NTM: variants seen among roughly 807,000 people sequenced by gnomAD.
The protein encoded by NTM is IgLON family member 2.
In NTM, 13 loss-of-function variants were observed where a neutral mutation model predicts 42.1. That is an observed-to-expected ratio of 0.31 (90% CI 0.20 to 0.49). NTM has a LOEUF of 0.49. NTM is among the 20% of genes least tolerant of loss of function. The probability of loss-of-function intolerance (pLI) is 0.99; values close to 1 mark genes in which losing one functional copy is unlikely to be tolerated. For missense variants in NTM, 373 were observed against 452.8 expected, an observed-to-expected ratio of 0.82 and a Z score of 1.60; for synonymous variants, 187 against 179.2, an observed-to-expected ratio of 1.04 and a Z score of -0.35.
chr11:131,850,786 T>C (rs569929955), intron 1 of NTM, among the ~76,000 whole-genome samples: 57 of 152,306 alleles, frequency 3.7e-4, no homozygotes, highest in Non-Finnish European at 7.2e-4. Flanking sequence ...GAAATTACTA[T>C]AAACAAACTG....
At chr11:132,089,837 A>G (rs894300126) in intron 2 of NTM, among the ~76,000 whole-genome samples, 27 of 152,178 alleles carry the variant, frequency 1.8e-4, no homozygotes, top group Non-Finnish European at 3.1e-4. Context: ...TATTGTTCTT[A>G]GTGCCTCAAA....
At chr11:131,872,711 T>C (rs2047910996) in intron 1 of NTM, among the ~76,000 whole-genome samples, 1 of 152,226 alleles carries the variant, frequency 6.6e-6, no homozygotes, top group Non-Finnish European at 1.5e-5. Context: ...TATCATTTGA[T>C]AGTGGCTAGA....
At chr11:131,428,880 C>CAAAAAAAAAAAAAAAAAAAA (rs35312475) in intron 1 of NTM, among the ~76,000 whole-genome samples, 2 of 84,010 alleles carry the variant, frequency 2.4e-5, no homozygotes, top group Non-Finnish European at 4.5e-5. Context: ...ACTAAAAATA[C>CAAAAAAAAAAAAAAAAAAAA]AAAAAAAAAA....
intron 7 of NTM, 24 bp downstream of exon 7, chr11:132,314,727 CAAG>C (rs1565458538): frequency 1.9e-6 from 3 of 1,598,622 alleles, no homozygotes; most frequent in Non-Finnish European, 1.7e-6. Context: ...CTGAGCTGGG[CAAG>C]AAGAGGGGAG....
intron 1 of NTM, among the ~76,000 whole-genome samples, chr11:131,462,104 G>A (rs1048681008): frequency 6.6e-6 from 1 of 152,206 alleles, no homozygotes; most frequent in South Asian, 2.1e-4. Flanking sequence ...AAAGAAGAAA[G>A]AGTTGCTGAT....
intron 4 of NTM, among the ~76,000 whole-genome samples, chr11:132,269,582 A>G (rs2093379965): frequency 6.6e-6 from 1 of 152,224 alleles, no homozygotes; most frequent in South Asian, 2.1e-4. Context: ...TTTACAGGCC[A>G]GGATTTATAT....
chr11:131,507,375 G>A lies in NTM; in HGVS notation c.82+136487G>A, dbSNP rs370951820. 1.0e-3 allele frequency among the ~76,000 whole-genome samples: 155 copies of A among 150,696 alleles called. 1 individual carries two copies. The highest frequency in any genetic ancestry group is 0.01 in the Middle Eastern group (3 of 292). On this transcript the variant is annotated intron_variant, in intron 1 of 8. Transcript: ENST00000683400. ...AAAGATCAGATAGTTGTAGATATGC[G>A]GCGTTATTTCTGAGGGCTCTGTTCT...
At chr11:131,499,870 G>A (rs547044730) in intron 1 of NTM, among the ~76,000 whole-genome samples, 2 of 152,284 alleles carry the variant, frequency 1.3e-5, no homozygotes, top group African/African-American at 2.4e-5. Flanking sequence ...GTATCTACAC[G>A]TCTATTATTT....
intron 1 of NTM, among the ~76,000 whole-genome samples, chr11:131,650,509 C>T (rs1467659959): frequency 6.6e-6 from 1 of 152,140 alleles, no homozygotes; most frequent in Non-Finnish European, 1.5e-5. Flanking sequence ...TCCCTGGTTT[C>T]TCAGTAAAGA....
chr11:132,328,814 C>G (rs1039345246), intron 7 of NTM, among the ~76,000 whole-genome samples: 1 of 152,090 alleles, frequency 6.6e-6, no homozygotes, highest in East Asian at 1.9e-4. Context: ...AATAGCCCCT[C>G]CCCCTCCTTA....
chr11:131,989,101 T>C lies in NTM; in HGVS notation c.167+77453T>C, dbSNP rs182568943. Among the ~76,000 whole-genome samples the C allele has an allele frequency of 2.6e-4, 40 of 152,320 alleles. No homozygotes were observed. In the East Asian group the frequency reaches 5.2e-3, roughly 20 times the overall value. On this transcript the variant is annotated intron_variant, in intron 2 of 8. Coordinates refer to ENST00000683400, the MANE Select transcript of NTM (RefSeq NM_001352005.2). ...TTGGTACTATGTTTGATCACTGAGA[T>C]ACATCGTTAAATATGCTACTGCTGA... is the stretch of plus-strand genomic sequence containing the variant.
At chr11:131,521,383 CTTTTTTTTTTTTTTTTTTTTTTTTT>C (rs773233050) in intron 1 of NTM, among the ~76,000 whole-genome samples, 1 of 45,756 alleles carries the variant, frequency 2.2e-5, no homozygotes, top group Non-Finnish European at 3.9e-5. Context: ...AGGTGCCAGT[CTTTTTTTTTTTTTTTTTTTTTTTTT>C]TTTTTTTTTT....
chr11:132,060,910 G>C (rs571103512), intron 2 of NTM, among the ~76,000 whole-genome samples: 1 of 152,288 alleles, frequency 6.6e-6, no homozygotes, highest in Admixed American at 6.5e-5. Context: ...TTGTGTTAGA[G>C]CATCTGCAAA....
At chr11:132,143,708 T>G (rs2069681284) in intron 2 of NTM, among the ~76,000 whole-genome samples, 1 of 152,146 alleles carries the variant, frequency 6.6e-6, no homozygotes, top group Non-Finnish European at 1.5e-5. Flanking sequence ...CCCTTCAGAT[T>G]ATTAATATAA....
chr11:131,703,803 G>A (rs185539725), intron 1 of NTM, among the ~76,000 whole-genome samples: 233 of 152,270 alleles, frequency 1.5e-3, no homozygotes, highest in Non-Finnish European at 2.3e-3. Context: ...GGAAGAGAGC[G>A]AAGTGAGTAG....
intron 4 of NTM, among the ~76,000 whole-genome samples, chr11:132,264,295 AT>A (rs2093045836): frequency 6.6e-6 from 1 of 152,054 alleles, no homozygotes; most frequent in African/African-American, 2.4e-5. Context: ...GGATATTTGT[AT>A]TTCTTCTGTG....
chr11:131,854,249 G>T (rs1377327029), intron 1 of NTM, among the ~76,000 whole-genome samples: 1 of 152,202 alleles, frequency 6.6e-6, no homozygotes, highest in Non-Finnish European at 1.5e-5. Context: ...GGTCAGATAA[G>T]GTACACAGTG....
intron 2 of NTM, among the ~76,000 whole-genome samples, chr11:132,059,756 C>T (rs566732408): frequency 2.4e-4 from 37 of 151,090 alleles, no homozygotes; most frequent in South Asian, 8.5e-4. Flanking sequence ...CCCCCTGCCA[C>T]GAGCTCTGCA....
At chr11:131,990,008 C>T (rs2066743993) in intron 2 of NTM, among the ~76,000 whole-genome samples, 1 of 152,042 alleles carries the variant, frequency 6.6e-6, no homozygotes, top group Non-Finnish European at 1.5e-5. Flanking sequence ...TAAAGACATC[C>T]ATCTATTACT....
Sources: allele counts gnomAD v4.1 joint callset (sites outside exome capture counted in the v4.1 genomes callset), GRCh38; gene constraint gnomAD v4.1.1; transcripts MANE v1.5; gene names NCBI Gene and HGNC (gene_info 2026-07-23, HGNC 2026-07-21).